Variants in LAMB1 observed in about 807,000 individuals in gnomAD.
The protein encoded by LAMB1 is laminin subunit beta-1.
A neutral mutation model predicts 222.3 loss-of-function variants in LAMB1; 121 were observed. That is an observed-to-expected ratio of 0.54 (90% CI 0.47 to 0.63). The LOEUF (loss-of-function observed/expected upper bound fraction) is 0.63. LAMB1 is among the 30% of genes least tolerant of loss of function. The pLI is 0.00. For synonymous variants in LAMB1, 794 were observed against 807.2 expected (o/e 0.98, Z 0.28); for missense variants, 2,172 against 2,240.8 (o/e 0.97, Z 0.62).
chr7:107,984,525 G>C (rs570753171), intron 7 of LAMB1, among the ~76,000 whole-genome samples: 1 of 152,264 alleles, frequency 6.6e-6, no homozygotes, highest in Non-Finnish European at 1.5e-5. Context: ...TGGGGATTAC[G>C]GAGTGAGCCT....
intron 14 of LAMB1, among the ~76,000 whole-genome samples, chr7:107,963,886 G>A (rs964284923): frequency 1.1e-4 from 16 of 152,334 alleles, no homozygotes; most frequent in African/African-American, 3.8e-4. Context: ...ATCACCTGAG[G>A]TCGGGAGTTC....
chr7:107,987,916 AC>A (rs1217248933), intron 5 of LAMB1, among the ~76,000 whole-genome samples: 2 of 152,238 alleles, frequency 1.3e-5, no homozygotes, highest in African/African-American at 4.8e-5. Context: ...TAAGGGACTT[AC>A]GTTTTTGCAA....
At chr7:107,933,513 A>T (rs1444275029) in intron 27 of LAMB1, among the ~76,000 whole-genome samples, 1 of 152,182 alleles carries the variant, frequency 6.6e-6, no homozygotes, top group African/African-American at 2.4e-5. Context: ...AGTCTTAAGA[A>T]CATAAGTGTA....
chr7:107,986,126 T>A (rs2034072150), intron 6 of LAMB1, 41 bp from the exon 7 acceptor site: 2 of 1,610,622 alleles, frequency 1.2e-6, no homozygotes, highest in Admixed American at 1.7e-5. Flanking sequence ...TCTGCAATAA[T>A]CAAAAAGTAG....
rs774058230 is a variant in LAMB1 at position 107,951,293 on chromosome 7, C to T, written c.3324G>A (p.Gly1108=). 5 of 1,614,048 alleles carry T rather than the reference C, an allele frequency of 3.1e-6. No individual in the cohort carries two copies. The African/African-American group carries it at 5.3e-5, about 17-fold the overall frequency. The change falls in exon 24 of 34, where the codon GGG becomes GGA. Residue 1108 remains glycine (G), a synonymous_variant. Coordinates refer to ENST00000222399, the MANE Select transcript of LAMB1 (RefSeq NM_002291.3). ...ACTCGCTGCAGGTGCGGCCTCCAAACCCAGGCATGCACTGGCACTGCCCCG... is the reference window on the plus strand; with the variant it reads ...ACTCGCTGCAGGTGCGGCCTCCAAATCCAGGCATGCACTGGCACTGCCCCG... The part of the protein sequence containing the change: ...EFTGQCQCMP[G]FGGRTCSECQ...
intron 24 of LAMB1, among the ~76,000 whole-genome samples, chr7:107,950,923 G>GGTGTGTGTGTGTGT (rs57060477): frequency 4.7e-5 from 7 of 147,856 alleles, no homozygotes; most frequent in Non-Finnish European, 7.5e-5. Flanking sequence ...GTGTATTTGT[G>GGTGTGTGTGTGTGT]GTGTGTGTGT....
chr7:107,924,418 G>C (rs1013252846), intron 32 of LAMB1, 29 bp from the exon 33 acceptor site: 3 of 1,559,756 alleles, frequency 1.9e-6, no homozygotes, highest in Non-Finnish European at 2.6e-6. Context: ...ACAGAAAGAA[G>C]TGGTAATGTT....
intron 13 of LAMB1, among the ~76,000 whole-genome samples, chr7:107,971,157 T>G (rs1023755267): frequency 2.0e-5 from 3 of 152,224 alleles, no homozygotes. Context: ...CTTTTACCAC[T>G]TCCAGTGATT....
intron 13 of LAMB1, among the ~76,000 whole-genome samples, chr7:107,964,964 A>C (rs114072767): frequency 6.6e-6 from 1 of 152,050 alleles, no homozygotes; most frequent in African/African-American, 2.4e-5. Context: ...CCACATCCCA[A>C]ACCTTCTTGC....
At chr7:107,984,969 A>G (rs961292614) in intron 7 of LAMB1, among the ~76,000 whole-genome samples, 1 of 152,216 alleles carries the variant, frequency 6.6e-6, no homozygotes, top group Non-Finnish European at 1.5e-5. Flanking sequence ...CTTCTTCTCT[A>G]GAAAACTCTT....
chr7:107,940,094 G>A lies in LAMB1; in HGVS notation c.3656C>T (p.Thr1219Ile). The A allele has an allele frequency of 1.2e-6, 2 of 1,614,146 alleles. No homozygotes were observed. The highest frequency in any genetic ancestry group is 1.7e-6 in the Non-Finnish European group (2 of 1,180,026). Reference protein sequence around the residue: ...ISGVIGPYRETVDSVERKVSE... With the variant: ...ISGVIGPYREIVDSVERKVSE... ...GACTTTCCTCTCCACCGAGTCCACA[G>A]TCTCACGGTAAGGCCCGATCACACC... The change falls in exon 25 of 34, where the codon ACT (threonine) becomes ATT (isoleucine). Residue 1219 changes from threonine (T) to isoleucine (I), a missense_variant. Transcript: ENST00000222399.
At chr7:107,982,709 C>T (rs1005935130) in intron 7 of LAMB1, among the ~76,000 whole-genome samples, 24 of 152,164 alleles carry the variant, frequency 1.6e-4, no homozygotes, top group Non-Finnish European at 3.1e-4. Flanking sequence ...CCACTCTCTC[C>T]TGCCATATTT....
chr7:107,964,731 C>G (rs368098413), intron 13 of LAMB1, 44 bp from the exon 14 acceptor site: 8 of 1,603,954 alleles, frequency 5.0e-6, no homozygotes, highest in Non-Finnish European at 6.8e-6. Flanking sequence ...CATGGTCACG[C>G]GAGTCAACCC....
At chr7:107,951,762 C>T (rs187282132) in intron 23 of LAMB1, among the ~76,000 whole-genome samples, 2 of 152,226 alleles carry the variant, frequency 1.3e-5, no homozygotes, top group East Asian at 3.9e-4. Flanking sequence ...AATAGCACAC[C>T]CTTGTCTATT....
At chr7:107,975,936 G>A (rs916517923) in intron 9 of LAMB1, 59 bp from the exon 10 acceptor site, 5 of 1,446,640 alleles carry the variant, frequency 3.5e-6, no homozygotes, top group African/African-American at 1.4e-5. Context: ...AATGGAGGAT[G>A]GGGGTGGCAG....
intron 8 of LAMB1, 127 bp downstream of exon 8, chr7:107,980,482 G>A: frequency 1.4e-6 from 1 of 717,696 alleles, no homozygotes; most frequent in South Asian, 1.8e-5. Flanking sequence ...ATGGTGCAAA[G>A]GGCTAAATGT....
At chr7:107,987,216 G>T (rs1459666628) in intron 5 of LAMB1, among the ~76,000 whole-genome samples, 1 of 152,190 alleles carries the variant, frequency 6.6e-6, no homozygotes, top group Non-Finnish European at 1.5e-5. Flanking sequence ...CAAATATTGT[G>T]TGATTCCACT....
In LAMB1 at chr7:107,931,491, C is replaced by T. The variant is rs764447845; in HGVS notation, c.4402G>A (p.Ala1468Thr). Reference protein sequence around the residue: ...VEQLSKMVSEAKLRADEAKQS... With the variant: ...VEQLSKMVSETKLRADEAKQS... ...TTTGCCTCATCTGCCCTCAGTTTTG[C>T]TTCAGAGACCTAAATATGAAGAATA... Residue 1468 changes from alanine (A) to threonine (T), a missense_variant, in exon 29 of 34, where the codon GCA (alanine) becomes ACA (threonine). By Grantham distance (58) the Ala-to-Thr change is moderately conservative (BLOSUM62 0). Coordinates refer to ENST00000222399, the MANE Select transcript of LAMB1 (RefSeq NM_002291.3). 2.2e-5 allele frequency: 35 copies of T among 1,613,066 alleles called. No individual in the cohort carries two copies. The highest frequency in any genetic ancestry group is 2.8e-5 in the Non-Finnish European group (33 of 1,179,700).
Position 107,932,599 on chromosome 7 carries a change from A to G in LAMB1, c.4189-222T>C, listed in dbSNP as rs1481230637. 1.0e-5 allele frequency: 6 copies of G among 587,232 alleles called. No homozygotes were observed. In the East Asian group the frequency reaches 1.1e-4, roughly 11 times the overall value. 36.4% of individuals were successfully genotyped at this position (587,232 alleles called of 1,614,324 possible). ...AACAATGGAAGTTTACAACTCATCA[A>G]TATCTTCTGCCCAAATGAGTTAAAA... On this transcript the variant is annotated intron_variant, in intron 27 of 33. Transcript: ENST00000222399.
Sources: allele counts gnomAD v4.1 joint callset (sites outside exome capture counted in the v4.1 genomes callset), GRCh38; gene constraint gnomAD v4.1.1; transcripts MANE v1.5; gene names NCBI Gene and HGNC (gene_info 2026-07-23, HGNC 2026-07-21).